SUMF1: variants seen among roughly 807,000 people sequenced by gnomAD.
SUMF1 encodes the protein sulfatase modifying factor 1, also known as formylglycine-generating enzyme.
A neutral mutation model predicts 47.6 loss-of-function variants in SUMF1; 48 were observed. The observed-to-expected ratio is 1.01, with a 90% CI of 0.80 to 1.28. The LOEUF (loss-of-function observed/expected upper bound fraction) is 1.28, where lower values mean the gene tolerates loss of function less well. Ranked by LOEUF, SUMF1 falls within the 50% of genes most tolerant of loss-of-function variation. The pLI is 0.00. For missense variants in SUMF1, 571 were observed against 485.4 expected (o/e 1.18, Z -1.66); for synonymous variants, 230 against 192.1 (o/e 1.20, Z -1.63).
chr3:4,190,867 T>C (rs1695300354), intron 8 of SUMF1, among the ~76,000 whole-genome samples: 1 of 152,142 alleles, frequency 6.6e-6, no homozygotes, highest in African/African-American at 2.4e-5. Flanking sequence ...ATTGAGGGTC[T>C]ACTATGTCCC....
intron 8 of SUMF1, among the ~76,000 whole-genome samples, chr3:4,349,966 TA>T (rs1010592897): frequency 1.4e-5 from 2 of 148,014 alleles, no homozygotes; most frequent in Non-Finnish European, 3.0e-5. Flanking sequence ...TTAGAAGAAA[TA>T]AAAAAAATAA....
chr3:4,139,958 AGACATTCCAAAG>A (rs1694036515), intron 8 of SUMF1, among the ~76,000 whole-genome samples: 1 of 152,042 alleles, frequency 6.6e-6, no homozygotes. Context: ...TTAGCCACTC[AGACATTCCAAAG>A]GACCACACAT....
intron 8 of SUMF1, among the ~76,000 whole-genome samples, chr3:4,167,153 G>T (rs1482787197): frequency 2.0e-5 from 3 of 152,012 alleles, no homozygotes; most frequent in Non-Finnish European, 4.4e-5. Flanking sequence ...GGCCTCTGTG[G>T]TGAGTGTTAC....
intron 9 of SUMF1, among the ~76,000 whole-genome samples, chr3:4,066,054 A>G (rs1188844244): frequency 6.6e-6 from 1 of 152,072 alleles, no homozygotes; most frequent in African/African-American, 2.4e-5. Flanking sequence ...ACGAAACCCA[A>G]CAGAATGAGC....
At chr3:4,314,953 A>G (rs769853064) in intron 8 of SUMF1, among the ~76,000 whole-genome samples, 13 of 152,244 alleles carry the variant, frequency 8.5e-5, no homozygotes, top group Non-Finnish European at 1.6e-4. Flanking sequence ...CCTCTGTAAT[A>G]TAAGTACATT....
At chr3:4,194,295 G>T (rs1353214427) in intron 8 of SUMF1, among the ~76,000 whole-genome samples, 3 of 152,130 alleles carry the variant, frequency 2.0e-5, no homozygotes, top group African/African-American at 7.2e-5. Flanking sequence ...CCCTTTGGGT[G>T]CTCTCTCATG....
chr3:4,113,847 A>C (rs1693365775), intron 8 of SUMF1, among the ~76,000 whole-genome samples: 2 of 152,070 alleles, frequency 1.3e-5, no homozygotes, highest in South Asian at 4.2e-4. Context: ...TAATCCACAG[A>C]TCCGGATGCC....
chr3:4,273,032 C>G (rs939247337), intron 8 of SUMF1, among the ~76,000 whole-genome samples: 1 of 151,438 alleles, frequency 6.6e-6, no homozygotes, highest in Non-Finnish European at 1.5e-5. Context: ...GCAACTCCAG[C>G]CTGGGTGACA....
intron 9 of SUMF1, among the ~76,000 whole-genome samples, chr3:4,050,523 T>C (rs562483936): frequency 6.6e-5 from 10 of 151,376 alleles, no homozygotes; most frequent in Admixed American, 4.6e-4. Context: ...GGGTGGATTG[T>C]TTGAGTCCAG....
chr3:4,438,334 G>A (rs946881191), intron 3 of SUMF1, among the ~76,000 whole-genome samples: 6 of 152,176 alleles, frequency 3.9e-5, no homozygotes, highest in Non-Finnish European at 1.5e-5. Flanking sequence ...AGGCTCCTCT[G>A]AACTCTCCTT....
At chr3:4,412,994 C>G (rs1038477547) in intron 6 of SUMF1, among the ~76,000 whole-genome samples, 1 of 152,010 alleles carries the variant, frequency 6.6e-6, no homozygotes, top group Non-Finnish European at 1.5e-5. Flanking sequence ...GCCTGAGGTC[C>G]TATGTGTGCA....
At chr3:4,431,162 A>T (rs1011382845) in intron 3 of SUMF1, among the ~76,000 whole-genome samples, 7 of 152,190 alleles carry the variant, frequency 4.6e-5, no homozygotes, top group African/African-American at 1.2e-4. Flanking sequence ...GCAAATAGAG[A>T]TGGGTCAATG....
chr3:4,182,078 T>C (rs2125134493), intron 8 of SUMF1, among the ~76,000 whole-genome samples: 1 of 152,330 alleles, frequency 6.6e-6, no homozygotes, highest in South Asian at 2.1e-4. Context: ...ATTCTTGCCC[T>C]GGGCCCTGAA....
At chr3:4,299,972 T>G (rs540057995) in intron 8 of SUMF1, among the ~76,000 whole-genome samples, 1 of 152,326 alleles carries the variant, frequency 6.6e-6, no homozygotes, top group South Asian at 2.1e-4. Context: ...CTTTTCTACA[T>G]AGAATCAATT....
intron 8 of SUMF1, among the ~76,000 whole-genome samples, chr3:4,121,643 G>T (rs1453281441): frequency 6.6e-6 from 1 of 152,070 alleles, no homozygotes; most frequent in Non-Finnish European, 1.5e-5. Context: ...TCATTCCTAG[G>T]TATATACCCA....
rs551586833 is a variant in SUMF1, at chr3:4,402,957, G to A, written c.954+7908C>T. Among the ~76,000 whole-genome samples the A allele has an allele frequency of 3.3e-5, 5 of 152,276 alleles. No individual in the cohort carries two copies. The South Asian group carries it at 6.2e-4, about 19-fold the overall frequency. ...AGTTTTATTTGGCTACAAGCTTAACGGGAACCATCAGTGAGATACTGTTCT... is the reference window on the plus strand; with the variant it reads ...AGTTTTATTTGGCTACAAGCTTAACAGGAACCATCAGTGAGATACTGTTCT... On this transcript the variant is annotated intron_variant, in intron 7 of 8. Coordinates refer to ENST00000272902, the MANE Select transcript of SUMF1 (RefSeq NM_182760.4).
intron 8 of SUMF1, among the ~76,000 whole-genome samples, chr3:4,363,958 C>T (rs1242952468): frequency 1.4e-5 from 2 of 144,436 alleles, no homozygotes; most frequent in African/African-American, 5.2e-5. Context: ...TGTCAAAGGC[C>T]TTTTCTGCAT....
intron 8 of SUMF1, among the ~76,000 whole-genome samples, chr3:4,238,957 T>G (rs751322735): frequency 1.3e-5 from 2 of 152,126 alleles, no homozygotes; most frequent in Non-Finnish European, 2.9e-5. Flanking sequence ...TTCTATAAGG[T>G]GTAAGGAAGG....
intron 8 of SUMF1, among the ~76,000 whole-genome samples, chr3:4,189,079 A>T (rs754915564): frequency 8.5e-5 from 13 of 152,196 alleles, no homozygotes; most frequent in Non-Finnish European, 1.8e-4. Flanking sequence ...CTGTTAAATC[A>T]GAACATGGTA....
Sources: allele counts gnomAD v4.1 joint callset (sites outside exome capture counted in the v4.1 genomes callset), GRCh38; gene constraint gnomAD v4.1.1; transcripts MANE v1.5; gene names NCBI Gene and HGNC (gene_info 2026-07-23, HGNC 2026-07-21).